The following NT5C3B variants were observed in gnomAD, a reference collection of about 807,000 sequenced individuals.
NT5C3B encodes the protein 5'-nucleotidase, cytosolic IIIB.
A neutral mutation model predicts 32.5 loss-of-function variants in NT5C3B; 28 were observed. The ratio of observed to expected loss-of-function variants is 0.86; its 90% confidence interval spans 0.64 to 1.18. NT5C3B has a LOEUF of 1.18. Ranked by LOEUF, NT5C3B falls within the 50% of genes most tolerant of loss-of-function variation. The probability of loss-of-function intolerance (pLI) is 0.00; values close to 1 mark genes in which losing one functional copy is unlikely to be tolerated. For synonymous variants in NT5C3B, 138 were observed against 118.0 expected, an observed-to-expected ratio of 1.17 and a Z score of -1.10; for missense variants, 317 against 322.0, an observed-to-expected ratio of 0.98 and a Z score of 0.12.
chr17:41,825,730 C>G (rs1414739323), intron 8 of NT5C3B, 73 bp from the exon 9 acceptor site: 2 of 850,842 alleles, frequency 2.4e-6, no homozygotes, highest in Non-Finnish European at 4.1e-6. Flanking sequence ...CTCAAAGCCC[C>G]TGGGGCTGGG....
Position 41,827,618 on chromosome 17 carries a change from G to A in NT5C3B, c.576C>T (p.Leu192=). 2.3e-6 allele frequency: 2 copies of A among 858,880 alleles called. No homozygotes were observed. Among genetic ancestry groups the A allele is most frequent in the Middle Eastern group, 2.2e-4 (1 of 4,584 alleles). The allele number at this position is 858,880 out of a possible 1,614,324, so 53.2% of individuals were successfully genotyped here. The stretch of plus-strand genomic sequence containing the variant: ...GTATGAGCTGGCCCTTAAATCCCTG[G>A]AGAAAACCCTAAATAATGAAGACAA... The part of the protein sequence containing the change: ...NYMDFNEDGF[L]QGFKGQLIHT... The change falls in exon 8 of 9, where the codon CTC becomes CTT. Residue 192 remains leucine, a synonymous_variant. Transcript: ENST00000435506.
At chr17:41,832,568 T>A in intron 4 of NT5C3B, 91 bp from the exon 5 acceptor site, 2 of 1,088,888 alleles carry the variant, frequency 1.8e-6, no homozygotes, top group Non-Finnish European at 2.8e-6. Context: ...AAAAGTCACC[T>A]AGAAGAGGCA....
At chr17:41,833,638 T>C (rs1040682471) in intron 4 of NT5C3B, among the ~76,000 whole-genome samples, 1 of 152,088 alleles carries the variant, frequency 6.6e-6, no homozygotes, top group Non-Finnish European at 1.5e-5. Context: ...ATAAGTTAAT[T>C]ACAATTTTTA....
rs1555618939 is a variant in NT5C3B at position 41,830,893 on chromosome 17, A to G, written c.315-3T>C. The G allele has an allele frequency of 3.8e-6, 6 of 1,580,846 alleles. No individual in the cohort carries two copies. Among genetic ancestry groups the G allele is most frequent in the Non-Finnish European group, 4.3e-6 (5 of 1,153,178 alleles). On this transcript the variant is annotated splice_polypyrimidine_tract_variant and splice_region_variant and intron_variant, in intron 5 of 8. Coordinates refer to ENST00000435506, the MANE Select transcript of NT5C3B (RefSeq NM_052935.5). ...GGAGATTGTGTGCTTTGGTCCACCT[A>G]GAAACAGACACCCCAGAAAACCCCA...
rs781844116 is a variant in NT5C3B at position 41,835,935 on chromosome 17, G to A, written c.35C>T (p.Thr12Met). The change falls in exon 2 of 9, where the codon ACG becomes ATG. Residue 12 changes from threonine to methionine, a missense_variant. Coordinates refer to ENST00000435506, the MANE Select transcript of NT5C3B (RefSeq NM_052935.5). Reference protein sequence around the residue: ...AEEVSTLMKATVLMRQPGRVQ... With the variant: ...AEEVSTLMKAMVLMRQPGRVQ... ...CCGCCCAGGCTGCCGCATCAGGACC[G>A]TGGCCTTCATCAGGGTGCTCACCTG... 1.1e-4 allele frequency: 168 copies of A among 1,598,524 alleles called. No homozygotes were observed. Among genetic ancestry groups the A allele is most frequent in the Admixed American group, 1.5e-4 (9 of 58,172 alleles).
At chr17:41,827,175 G>A (rs565501443) in intron 8 of NT5C3B, among the ~76,000 whole-genome samples, 4 of 151,138 alleles carry the variant, frequency 2.6e-5, no homozygotes, top group South Asian at 4.2e-4. Context: ...GAGTGGTGGC[G>A]GGTGCCTGTA....
At position 41,835,883 on chromosome 17, in the gene NT5C3B, G is replaced by C; in HGVS notation, c.87C>G (p.Arg29=). 1 of 1,609,254 alleles carries C rather than the reference G, an allele frequency of 6.2e-7. No individual in the cohort carries two copies. The highest frequency in any genetic ancestry group is 8.5e-7 in the Non-Finnish European group (1 of 1,178,712). The part of the protein sequence containing the change: ...GRVQEIVGAL[R]KGGGDRLQVI... ...CCTGTAACCGGTCTCCGCCGCCCTT[G>C]CGGAGGGCGCCCACGATCTCCTGCA... is the stretch of plus-strand genomic sequence containing the variant. Residue 29 remains arginine, a synonymous_variant, in exon 2 of 9, where the codon CGC becomes CGG. Coordinates refer to ENST00000435506, the MANE Select transcript of NT5C3B (RefSeq NM_052935.5).
chr17:41,832,882 G>T (rs977079133), intron 4 of NT5C3B, among the ~76,000 whole-genome samples: 5 of 152,098 alleles, frequency 3.3e-5, no homozygotes, highest in Non-Finnish European at 7.3e-5. Flanking sequence ...CAAATAAAAA[G>T]AAGATGCAAC....
chr17:41,835,875 C>T lies in NT5C3B; in HGVS notation c.95G>A (p.Gly32Asp), dbSNP rs2048145070. 1 of 1,609,080 alleles carries T rather than the reference C, an allele frequency of 6.2e-7. No individual in the cohort carries two copies. The highest frequency in any genetic ancestry group is 1.3e-5 in the African/African-American group (1 of 74,992). Residue 32 changes from glycine to aspartate, a missense_variant, in exon 2 of 9, where the codon GGC becomes GAC. Transcript: ENST00000435506. Reference sequence around the variant, plus strand: ...CAGAGGTACCTGTAACCGGTCTCCGCCGCCCTTGCGGAGGGCGCCCACGAT... The same window carrying T: ...CAGAGGTACCTGTAACCGGTCTCCGTCGCCCTTGCGGAGGGCGCCCACGAT... ...QEIVGALRKG[G>D]GDRLQVISDF...
At chr17:41,828,019 C>A (rs535986558) in intron 7 of NT5C3B, among the ~76,000 whole-genome samples, 2 of 152,166 alleles carry the variant, frequency 1.3e-5, no homozygotes, top group African/African-American at 4.8e-5. Context: ...GGTGGATGCA[C>A]GAAGCTGTGA....
At chr17:41,835,326 C>G in intron 2 of NT5C3B, 54 bp from the exon 3 acceptor site, 1 of 1,469,132 alleles carries the variant, frequency 6.8e-7, no homozygotes, top group South Asian at 1.1e-5. Context: ...TCTAGTGTGG[C>G]CCTGCCTCAG....
Position 41,835,225 on chromosome 17 carries a change from T to C in NT5C3B, c.159A>G (p.Gly53=), listed in dbSNP as rs1555619715. The C allele has an allele frequency of 6.2e-7, 1 of 1,614,182 alleles. No individual in the cohort carries two copies. The highest frequency in any genetic ancestry group is 2.2e-5 in the East Asian group (1 of 44,878). The part of the protein sequence containing the change: ...DMTLSRFAYN[G]KRCPSSYNIL... ...TACTGTAAGAAGAAGGGCATCGCTTTCCATTATATGCAAACCTGCTCAAGG... is the reference window on the plus strand; with the variant it reads ...TACTGTAAGAAGAAGGGCATCGCTTCCCATTATATGCAAACCTGCTCAAGG... Residue 53 remains glycine, a synonymous_variant, in exon 3 of 9, where the codon GGA becomes GGG. Coordinates refer to ENST00000435506, the MANE Select transcript of NT5C3B (RefSeq NM_052935.5).
At chr17:41,833,864 C>T (rs2048093297) in intron 4 of NT5C3B, among the ~76,000 whole-genome samples, 1 of 152,142 alleles carries the variant, frequency 6.6e-6, no homozygotes, top group Non-Finnish European at 1.5e-5. Flanking sequence ...AGGGGCTGTT[C>T]CAGGGATCAT....
chr17:41,834,269 G>A (rs1266538960), intron 4 of NT5C3B, among the ~76,000 whole-genome samples: 6 of 152,002 alleles, frequency 3.9e-5, no homozygotes, highest in African/African-American at 1.5e-4. Flanking sequence ...GGTGATGCAT[G>A]CTGGTAATCC....
chr17:41,834,611 A>G (rs2048112438), intron 4 of NT5C3B, among the ~76,000 whole-genome samples: 1 of 152,024 alleles, frequency 6.6e-6, no homozygotes, highest in African/African-American at 2.4e-5. Flanking sequence ...AGCTAGGTGT[A>G]ATGTTACATG....
chr17:41,832,306 T>C, intron 5 of NT5C3B, 86 bp downstream of exon 5: 1 of 1,108,232 alleles, frequency 9.0e-7, no homozygotes, highest in Admixed American at 1.9e-5. Context: ...GAGCCTGTCA[T>C]CTCATCAAGG....
At chr17:41,834,024 A>G (rs2048096928) in intron 4 of NT5C3B, among the ~76,000 whole-genome samples, 1 of 152,206 alleles carries the variant, frequency 6.6e-6, no homozygotes, top group Admixed American at 6.5e-5. Context: ...ATGAAAGATG[A>G]CATAGTAACA....
rs2047940143 is a variant in NT5C3B, at chr17:41,825,182, T to A, written c.*341A>T. ...CCACATCCCCTGAATCAGAGCAGCT[T>A]TTTTTTCATTTTAAAAATTTTGATC... On this transcript the variant is annotated 3_prime_UTR_variant, in exon 9 of 9. Coordinates refer to ENST00000435506, the MANE Select transcript of NT5C3B (RefSeq NM_052935.5). The A allele has an allele frequency of 5.3e-6, 1 of 187,792 alleles. No individual in the cohort carries two copies. Among genetic ancestry groups the A allele is most frequent in the South Asian group, 1.7e-4 (1 of 5,838 alleles). 11.6% of individuals were successfully genotyped at this position (187,792 alleles called of 1,614,324 possible).
At chr17:41,834,079 G>GT (rs1272305305) in intron 4 of NT5C3B, among the ~76,000 whole-genome samples, 7 of 152,124 alleles carry the variant, frequency 4.6e-5, no homozygotes, top group African/African-American at 1.7e-4. Flanking sequence ...CAATCTGTGT[G>GT]TTTTTTTGGA....
Sources: allele counts gnomAD v4.1 joint callset (sites outside exome capture counted in the v4.1 genomes callset), GRCh38; gene constraint gnomAD v4.1.1; transcripts MANE v1.5; gene names NCBI Gene and HGNC (gene_info 2026-07-23, HGNC 2026-07-21).